SYNJ2: variants seen among roughly 807,000 people sequenced by gnomAD.
The protein encoded by SYNJ2 is synaptojanin 2.
Under a neutral mutation model 141.3 loss-of-function variants are expected in SYNJ2, and 116 were observed. The observed-to-expected ratio is 0.82, with a 90% confidence interval of 0.71 to 0.96. The LOEUF is 0.96. Ranked by LOEUF, SYNJ2 falls within the 40% of genes least tolerant of loss-of-function variation. SYNJ2 has a pLI of 0.00. For missense variants in SYNJ2, 1,873 were observed against 1,934.8 expected (o/e 0.97, Z 0.60); for synonymous variants, 745 against 777.7 (o/e 0.96, Z 0.70).
intron 2 of SYNJ2, among the ~76,000 whole-genome samples, chr6:158,024,769 C>G (rs1778951409): frequency 6.6e-6 from 1 of 152,050 alleles, no homozygotes; most frequent in South Asian, 2.1e-4. Flanking sequence ...AGAGGGGGGA[C>G]TGGAAATATG....
rs963510089 is a variant in SYNJ2, at chr6:158,005,284, A to G, written c.128-11920A>G. 3.3e-5 allele frequency among the ~76,000 whole-genome samples: 5 copies of G among 151,986 alleles called. No individual in the cohort carries two copies. The East Asian group carries it at 7.8e-4, about 24-fold the overall frequency. On this transcript the variant is annotated intron_variant, in intron 1 of 26. Coordinates refer to ENST00000355585, the MANE Select transcript of SYNJ2 (RefSeq NM_003898.4). ...AATAGAGATGGGGTTTCACCATGTT[A>G]GCCAGGATGGTCTCAATCTCCTGAC...
At chr6:158,069,293 A>G (rs1781763198) in intron 13 of SYNJ2, among the ~76,000 whole-genome samples, 1 of 152,140 alleles carries the variant, frequency 6.6e-6, no homozygotes, top group Non-Finnish European at 1.5e-5. Flanking sequence ...TGGGGCTGCT[A>G]TGAGAAGGTC....
intron 3 of SYNJ2, 139 bp downstream of exon 3, chr6:158,029,165 C>A: frequency 8.8e-7 from 1 of 1,135,992 alleles, no homozygotes; most frequent in Non-Finnish European, 1.2e-6. Flanking sequence ...GGACCCAGGC[C>A]TGCTCTCAGC....
intron 1 of SYNJ2, among the ~76,000 whole-genome samples, chr6:157,984,557 C>T (rs1385027676): frequency 1.3e-5 from 2 of 152,190 alleles, no homozygotes; most frequent in Admixed American, 6.5e-5. Context: ...GCACACGCCA[C>T]CATGCCTGGC....
At chr6:158,069,727 T>C in intron 14 of SYNJ2, 54 bp downstream of exon 14, 1 of 1,534,356 alleles carries the variant, frequency 6.5e-7, no homozygotes. Flanking sequence ...TTAGTCTTTG[T>C]GTTTTGTTCT....
rs1781867171 is a variant in SYNJ2 at position 158,070,757 on chromosome 6, C to T, written c.1941-845C>T. ...GAAATGTTAACAAATGTGCTTGCAG[C>T]CCATGTTTCTATGGACTCGTATGCG... On this transcript the variant is annotated intron_variant, in intron 14 of 26. Transcript: ENST00000355585. The surrounding 1 kb of genome is among the most constrained non-coding windows in gnomAD (Gnocchi z 4.0). Among the ~76,000 whole-genome samples the T allele has an allele frequency of 6.6e-6, 1 of 152,174 alleles. No individual in the cohort carries two copies. Among genetic ancestry groups the T allele is most frequent in the African/African-American group, 2.4e-5 (1 of 41,446 alleles).
intron 4 of SYNJ2, among the ~76,000 whole-genome samples, chr6:158,038,402 A>G (rs1004108540): frequency 2.6e-5 from 4 of 152,186 alleles, no homozygotes; most frequent in African/African-American, 9.7e-5. Context: ...CGCCCCACCT[A>G]GAGAGCATAA....
chr6:158,067,729 G>T, intron 12 of SYNJ2: 1 of 985,084 alleles, frequency 1.0e-6, no homozygotes. Context: ...CTGTGCACAC[G>T]CCATCTGTGC....
At chr6:157,986,924 CTTT>C (rs572799409) in intron 1 of SYNJ2, among the ~76,000 whole-genome samples, 29 of 142,018 alleles carry the variant, frequency 2.0e-4, no homozygotes, top group South Asian at 4.4e-4. Flanking sequence ...GTTGGGTTGG[CTTT>C]TTTTTTTTTC....
At chr6:158,041,683 A>G (rs1583386294) in intron 4 of SYNJ2, among the ~76,000 whole-genome samples, 1 of 152,314 alleles carries the variant, frequency 6.6e-6, no homozygotes. Context: ...GACATTCCTC[A>G]GCCTAAATAG....
At chr6:158,085,429 G>A (rs1782973483) in intron 22 of SYNJ2, among the ~76,000 whole-genome samples, 1 of 152,176 alleles carries the variant, frequency 6.6e-6, no homozygotes, top group African/African-American at 2.4e-5. Flanking sequence ...TTCATAGCCA[G>A]GCATGCCTCT....
At position 158,074,603 on chromosome 6, in the gene SYNJ2, TTATG is replaced by T; in HGVS notation, c.2161_2164del (p.Val721PhefsTer102). On this transcript the variant is annotated frameshift_variant, in exon 16 of 27. Coordinates refer to ENST00000355585, the MANE Select transcript of SYNJ2 (RefSeq NM_003898.4). LOFTEE classifies it high-confidence loss of function. ...AGGGGAGAAATGTTTTTTCTCATGA[TTATG>T]TATTTTGGTGTGGCGATTTCAACTA... 6.2e-7 allele frequency: 1 copy of T among 1,612,742 alleles called. No individual in the cohort carries two copies. Among genetic ancestry groups the T allele is most frequent in the Non-Finnish European group, 8.5e-7 (1 of 1,179,644 alleles).
At chr6:158,041,745 G>C (rs1779958662) in intron 4 of SYNJ2, among the ~76,000 whole-genome samples, 2 of 152,240 alleles carry the variant, frequency 1.3e-5, no homozygotes, top group African/African-American at 4.8e-5. Flanking sequence ...ATTTCACTCT[G>C]TTGCCCCAGC....
intron 1 of SYNJ2, among the ~76,000 whole-genome samples, chr6:158,003,758 G>A (rs1035179990): frequency 1.2e-4 from 18 of 152,140 alleles, no homozygotes; most frequent in East Asian, 1.9e-4. Context: ...AGCCGTGCAC[G>A]GCTGCTCCCA....
chr6:157,985,161 G>A (rs996604274), intron 1 of SYNJ2, among the ~76,000 whole-genome samples: 3 of 151,084 alleles, frequency 2.0e-5, no homozygotes, highest in Admixed American at 1.3e-4. Flanking sequence ...CTGGAGACAG[G>A]GGCTTGAACT....
intron 2 of SYNJ2, among the ~76,000 whole-genome samples, chr6:158,025,336 A>G (rs943353040): frequency 6.6e-6 from 1 of 152,162 alleles, no homozygotes; most frequent in Admixed American, 6.5e-5. Flanking sequence ...TTGGGGGTGC[A>G]CACATTCAGT....
At chr6:158,038,391 C>T (rs1263175769) in intron 4 of SYNJ2, among the ~76,000 whole-genome samples, 4 of 152,218 alleles carry the variant, frequency 2.6e-5, no homozygotes, top group African/African-American at 7.2e-5. Flanking sequence ...GATGCTGCCC[C>T]CGCCCCACCT....
chr6:158,010,474 C>CG (rs1562321594), intron 1 of SYNJ2, among the ~76,000 whole-genome samples: 2 of 151,778 alleles, frequency 1.3e-5, no homozygotes, highest in African/African-American at 4.8e-5. Flanking sequence ...TCAGAAGGGT[C>CG]GGGGGAGGAC....
rs1396186299 is a variant in SYNJ2 at position 158,062,341 on chromosome 6, T to A, written c.1127+177T>A. ...CCTCCCCACTCAGTTACCCTTGTGG[T>A]TTCCTGGGTCATAAGCTTGGCGACG... On this transcript the variant is annotated intron_variant, in intron 8 of 26. Coordinates refer to ENST00000355585, the MANE Select transcript of SYNJ2 (RefSeq NM_003898.4). 9 of 720,750 alleles carry A rather than the reference T, an allele frequency of 1.2e-5. No individual in the cohort carries two copies. The Admixed American group carries it at 1.9e-4, about 15-fold the overall frequency. The allele number at this position is 720,750 out of a possible 1,614,324, so 44.6% of individuals were successfully genotyped here.
Sources: allele counts gnomAD v4.1 joint callset (sites outside exome capture counted in the v4.1 genomes callset), GRCh38; gene constraint gnomAD v4.1.1; non-coding constraint Gnocchi (gnomAD v3.1); transcripts MANE v1.5; gene names NCBI Gene and HGNC (gene_info 2026-07-23, HGNC 2026-07-21).